Variants in WDR64 observed in about 807,000 individuals in gnomAD.
WDR64 encodes the protein WD repeat domain 64, also known as WD repeat-containing protein 64.
WDR64 carries 112 observed loss-of-function variants against 139.3 expected under a neutral mutation model. The observed-to-expected ratio is 0.80, with a 90% CI of 0.69 to 0.94. The LOEUF is 0.94. WDR64 is among the 40% of genes least tolerant of loss of function. The pLI, the probability that WDR64 is intolerant of heterozygous loss-of-function variation, is 0.00. For missense variants in WDR64, 1,206 were observed against 1,293.1 expected (o/e 0.93, Z 1.03); for synonymous variants, 444 against 437.7 (o/e 1.01, Z -0.18).
At chr1:241,797,417 T>A (rs559636236) in intron 27 of WDR64, among the ~76,000 whole-genome samples, 4 of 152,312 alleles carry the variant, frequency 2.6e-5, no homozygotes, top group South Asian at 2.1e-4. Flanking sequence ...TTAAAATAGA[T>A]CAAACATTTA....
chr1:241,798,534 C>T (rs1574104517), intron 27 of WDR64, among the ~76,000 whole-genome samples: 2 of 152,254 alleles, frequency 1.3e-5, no homozygotes, highest in East Asian at 3.9e-4. Context: ...TAGTTAGACA[C>T]CAAATGCCTC....
At position 241,671,169 on chromosome 1, in the gene WDR64, A is replaced by G. The variant is rs1478034409; in HGVS notation, c.372A>G (p.Leu124=). 4 of 1,545,226 alleles carry G rather than the reference A, an allele frequency of 2.6e-6. No homozygotes were observed. The highest frequency in any genetic ancestry group is 3.5e-6 in the Non-Finnish European group (4 of 1,142,398). Residue 124 remains leucine (L), a synonymous_variant, in exon 3 of 28, where the codon TTA becomes TTG. Transcript: ENST00000437684. ...TTGTGTCTAGAAAAAGGCGAATTTTAATTTCAGGTGACATTTTAATTTTCT... is the reference window on the plus strand; with the variant it reads ...TTGTGTCTAGAAAAAGGCGAATTTTGATTTCAGGTGACATTTTAATTTTCT... ...VFFVSRKRRI[L]ISGSRRRDVI...
At chr1:241,745,915 C>T (rs1366853462) in intron 13 of WDR64, among the ~76,000 whole-genome samples, 22 of 152,200 alleles carry the variant, frequency 1.4e-4, no homozygotes, top group Admixed American at 1.4e-3. Context: ...CTAAATCTGA[C>T]TGCCCAAGTC....
rs1437775270 is a variant in WDR64 at position 241,691,828 on chromosome 1, A to AACCCTGGC, written c.974+4233_974+4234insACCCTGGC. ...CAGGAGTTCAAGACCAGCCTGGCCAACATGGTGAAACCCTGTCTCTACAAA... is the reference window on the plus strand; with the variant it reads ...CAGGAGTTCAAGACCAGCCTGGCCAAACCCTGGCCATGGTGAAACCCTGTCTCTACAAA... On this transcript the variant is annotated intron_variant, in intron 8 of 27. Transcript: ENST00000437684. Among the ~76,000 whole-genome samples, 3 of 152,284 alleles carry AACCCTGGC rather than the reference A, an allele frequency of 2.0e-5. No individual in the cohort carries two copies. The East Asian group carries it at 5.8e-4, about 29-fold the overall frequency.
chr1:241,787,708 T>C, intron 23 of WDR64, 141 bp from the exon 24 acceptor site: 1 of 632,282 alleles, frequency 1.6e-6, no homozygotes. Context: ...AGCTCCACAG[T>C]ATTTCATAGA....
intron 14 of WDR64, among the ~76,000 whole-genome samples, chr1:241,750,620 C>T (rs1469005412): frequency 6.6e-6 from 1 of 152,208 alleles, no homozygotes; most frequent in African/African-American, 2.4e-5. Flanking sequence ...CAGACAATGT[C>T]TGTTGTCACA....
intron 10 of WDR64, among the ~76,000 whole-genome samples, chr1:241,729,121 C>A (rs1668975019): frequency 6.6e-6 from 1 of 152,180 alleles, no homozygotes; most frequent in Middle Eastern, 3.2e-3. Context: ...GAGCCATAAT[C>A]CAACTTCAAA....
At chr1:241,757,243 T>C in intron 14 of WDR64, 40 bp from the exon 15 acceptor site, 1 of 1,561,692 alleles carries the variant, frequency 6.4e-7, no homozygotes, top group South Asian at 1.2e-5. Context: ...CAAAATAAAA[T>C]AATTGAACTT....
intron 10 of WDR64, among the ~76,000 whole-genome samples, chr1:241,732,261 A>T (rs1277096251): frequency 1.3e-5 from 2 of 152,198 alleles, no homozygotes; most frequent in Non-Finnish European, 2.9e-5. Context: ...TCATTATGGA[A>T]TAATGCTCAA....
chr1:241,801,987 TTAAAGA>T lies in WDR64; in HGVS notation c.*777_*782del. 2 of 397,650 alleles carry T rather than the reference TTAAAGA, an allele frequency of 5.0e-6. No individual in the cohort carries two copies. Among genetic ancestry groups the T allele is most frequent in the East Asian group, 3.6e-5 (1 of 27,912 alleles). 24.6% of individuals were successfully genotyped at this position (397,650 alleles called of 1,614,324 possible). A position where few individuals can be genotyped will look rare whatever the true frequency, so the allele number is the denominator to read the frequency against. On this transcript the variant is annotated 3_prime_UTR_variant, in exon 28 of 28. Transcript: ENST00000437684. ...TCTAACATACAAGGACACCAAACTCTTAAAGATAAAAGAATGAAAAAAGATGTATGA... is the reference window on the plus strand; with the variant it reads ...TCTAACATACAAGGACACCAAACTCTTAAAAGAATGAAAAAAGATGTATGA...
intron 11 of WDR64, among the ~76,000 whole-genome samples, chr1:241,740,408 C>G (rs1191884907): frequency 6.6e-6 from 1 of 152,132 alleles, no homozygotes; most frequent in East Asian, 1.9e-4. Context: ...GGTATCTGAA[C>G]TGAGAAATAC....
At chr1:241,748,542 G>A (rs907448952) in intron 13 of WDR64, among the ~76,000 whole-genome samples, 1 of 152,048 alleles carries the variant, frequency 6.6e-6, no homozygotes, top group African/African-American at 2.4e-5. Context: ...TTTTATAAAG[G>A]CACTAATCCC....
chr1:241,761,282 GT>G (rs1657884068), intron 15 of WDR64, among the ~76,000 whole-genome samples: 1 of 151,986 alleles, frequency 6.6e-6, no homozygotes, highest in Non-Finnish European at 1.5e-5. Context: ...GAAAAATCTA[GT>G]TAAAATTACA....
chr1:241,690,630 T>C (rs1309604173), intron 8 of WDR64, among the ~76,000 whole-genome samples: 2 of 152,170 alleles, frequency 1.3e-5, no homozygotes, highest in Non-Finnish European at 1.5e-5. Context: ...CCTAGAATTC[T>C]GTATACCGTG....
At chr1:241,749,062 C>T (rs1669879747) in intron 13 of WDR64, among the ~76,000 whole-genome samples, 3 of 152,192 alleles carry the variant, frequency 2.0e-5, no homozygotes, top group Admixed American at 2.0e-4. Context: ...CAGTTTCTTA[C>T]CGGCTGGGAT....
intron 1 of WDR64, among the ~76,000 whole-genome samples, chr1:241,655,169 A>G (rs903946070): frequency 3.8e-4 from 58 of 152,208 alleles, no homozygotes; most frequent in African/African-American, 1.3e-3. Flanking sequence ...CGGATCACGA[A>G]GTCAGGAGTT....
chr1:241,706,130 G>A (rs899227195), intron 8 of WDR64, among the ~76,000 whole-genome samples: 1 of 152,110 alleles, frequency 6.6e-6, no homozygotes, highest in African/African-American at 2.4e-5. Context: ...CTGATTTTAA[G>A]TGCAACTAGA....
chr1:241,678,105 T>C (rs1436271922), intron 4 of WDR64, 82 bp from the exon 5 acceptor site: 14 of 398,332 alleles, frequency 3.5e-5, no homozygotes, highest in Non-Finnish European at 4.9e-5. Flanking sequence ...ACCAAGAAGA[T>C]ACTGTGTTGT....
chr1:241,655,390 C>G (rs964811813), intron 1 of WDR64, among the ~76,000 whole-genome samples: 7 of 152,042 alleles, frequency 4.6e-5, no homozygotes, highest in Non-Finnish European at 8.8e-5. Flanking sequence ...CTCTGTCCCC[C>G]CTCACCCCCC....
Sources: allele counts gnomAD v4.1 joint callset (sites outside exome capture counted in the v4.1 genomes callset), GRCh38; gene constraint gnomAD v4.1.1; transcripts MANE v1.5; gene names NCBI Gene and HGNC (gene_info 2026-07-23, HGNC 2026-07-21).